WDR35: variants seen among roughly 807,000 people sequenced by gnomAD.
WDR35 encodes WD repeat-containing protein 35.
In WDR35, 118 loss-of-function variants were observed where a neutral mutation model predicts 158.3. That is an observed-to-expected ratio of 0.75 (90% CI 0.64 to 0.87). The LOEUF (loss-of-function observed/expected upper bound fraction) is 0.87, where lower values mean the gene tolerates loss of function less well. Among genes scored for constraint, WDR35 ranks in the 40% least tolerant of loss-of-function variants. The pLI is 0.00. For missense variants in WDR35, 1,263 were observed against 1,405.8 expected (o/e 0.90, Z 1.62); for synonymous variants, 448 against 476.1 (o/e 0.94, Z 0.77).
intron 11 of WDR35, among the ~76,000 whole-genome samples, chr2:19,958,738 A>C (rs1445882590): frequency 1.3e-5 from 2 of 152,204 alleles, no homozygotes; most frequent in Non-Finnish European, 2.9e-5. Flanking sequence ...GATAGACAAG[A>C]AAATTAGTAA....
At chr2:19,963,892 C>A (rs554758244) in intron 10 of WDR35, among the ~76,000 whole-genome samples, 1 of 151,972 alleles carries the variant, frequency 6.6e-6, no homozygotes, top group African/African-American at 2.4e-5. Context: ...TACAGGCACC[C>A]GCCACCACAC....
rs143533141 is a variant in WDR35, at chr2:19,910,410, CA to C, written c.*3147del. The C allele has an allele frequency of 1.4e-3, 217 of 152,268 alleles. No homozygotes were observed. The highest frequency in any genetic ancestry group is 5.0e-3 in the African/African-American group (207 of 41,554). 9.4% of individuals were successfully genotyped at this position (152,268 alleles called of 1,614,324 possible). ...ATGAAATTAGCATTTGTGAATTAAG[CA>C]TGTCAACATTACTGTGTTGCTTGTT... On this transcript the variant is annotated 3_prime_UTR_variant, in exon 27 of 27. Transcript: ENST00000281405.
intron 17 of WDR35, among the ~76,000 whole-genome samples, chr2:19,939,407 TA>T: frequency 6.6e-6 from 1 of 152,264 alleles, no homozygotes; most frequent in Middle Eastern, 3.4e-3. Context: ...TAATTTAAAC[TA>T]ATAACTACCT....
intron 14 of WDR35, 27 bp from the exon 15 acceptor site, chr2:19,946,597 A>G: frequency 6.3e-7 from 1 of 1,576,318 alleles, no homozygotes; most frequent in Non-Finnish European, 8.7e-7. Flanking sequence ...TGATTACTTA[A>G]GCATACGTGT....
At chr2:19,942,558 T>C (rs1334601835) in intron 16 of WDR35, among the ~76,000 whole-genome samples, 1 of 151,854 alleles carries the variant, frequency 6.6e-6, no homozygotes, top group Non-Finnish European at 1.5e-5. Flanking sequence ...ATTTTTTTTT[T>C]ATTTTTGGCA....
chr2:19,932,730 A>C (rs1670562693), intron 22 of WDR35, among the ~76,000 whole-genome samples: 1 of 152,204 alleles, frequency 6.6e-6, no homozygotes, highest in Non-Finnish European at 1.5e-5. Context: ...AATCTTACAA[A>C]ACTTCAAGCA....
intron 15 of WDR35, 123 bp from the exon 16 acceptor site, chr2:19,946,119 A>G: frequency 1.9e-6 from 2 of 1,031,702 alleles, no homozygotes; most frequent in Non-Finnish European, 1.4e-6. Flanking sequence ...AATACAGTAG[A>G]AATGGCTTAA....
Position 19,930,421 on chromosome 2 carries a change from T to A in WDR35, c.3096A>T (p.Gly1032=). The change falls in exon 25 of 27, where the codon GGA becomes GGT. Residue 1032 remains glycine (G), a synonymous_variant. Coordinates refer to ENST00000281405, the MANE Select transcript of WDR35 (RefSeq NM_020779.4). ...FILAQRQLYE[G]CVDTALKTAL... ...CTGTCTTCAGTGCAGTGTCCACACA[T>A]CCCTCATAGAGCTGCCTCTGTGCAA... 1 of 1,614,160 alleles carries A rather than the reference T, an allele frequency of 6.2e-7. No individual in the cohort carries two copies. The highest frequency in any genetic ancestry group is 8.5e-7 in the Non-Finnish European group (1 of 1,180,014).
intron 7 of WDR35, 145 bp downstream of exon 7, chr2:19,974,323 C>T: frequency 6.6e-6 from 5 of 758,150 alleles, no homozygotes; most frequent in Non-Finnish European, 1.0e-5. Context: ...GCAGGAAATT[C>T]GCTTGAACCC....
chr2:19,943,585 T>C (rs1670943593), intron 16 of WDR35, among the ~76,000 whole-genome samples: 1 of 152,112 alleles, frequency 6.6e-6, no homozygotes, highest in African/African-American at 2.4e-5. Context: ...AGAGCATATA[T>C]TCAAAAGTTT....
At chr2:19,964,975 G>A (rs1671801842) in intron 10 of WDR35, among the ~76,000 whole-genome samples, 1 of 151,782 alleles carries the variant, frequency 6.6e-6, no homozygotes, top group Admixed American at 6.6e-5. Flanking sequence ...CCAGGTTGGA[G>A]TGCAATGGCA....
intron 9 of WDR35, among the ~76,000 whole-genome samples, chr2:19,967,183 A>T (rs1311660484): frequency 6.6e-6 from 1 of 152,166 alleles, no homozygotes; most frequent in Admixed American, 6.5e-5. Context: ...CAATGGTAAA[A>T]ATTTTCAATA....
chr2:19,932,614 G>A (rs1434319925), intron 22 of WDR35, among the ~76,000 whole-genome samples, 167 bp from the exon 23 acceptor site: 1 of 152,092 alleles, frequency 6.6e-6, no homozygotes, highest in African/African-American at 2.4e-5. Flanking sequence ...AGTCCTATAA[G>A]CATAAGTCAA....
chr2:19,962,259 A>G, intron 10 of WDR35: 1 of 1,611,728 alleles, frequency 6.2e-7, no homozygotes, highest in Non-Finnish European at 8.5e-7. Flanking sequence ...TTTTTATCCT[A>G]TGATCAGCTA....
At position 19,936,332 on chromosome 2, in the gene WDR35, C is replaced by T. The variant is rs765743417; in HGVS notation, c.2301G>A (p.Gly767=). ...DLAIGLRLKL[G]DWFRVLQLLK... ...GGAGCTGGAGTACTCTAAACCAATC[C>T]CCCAATTTCAGCCGGAGGCCAATAG... The change falls in exon 20 of 27, where the codon GGG becomes GGA. Residue 767 remains glycine, a synonymous_variant. Coordinates refer to ENST00000281405, the MANE Select transcript of WDR35 (RefSeq NM_020779.4). 4.3e-6 allele frequency: 7 copies of T among 1,613,864 alleles called. No homozygotes were observed. In the African/African-American group the frequency reaches 6.7e-5, roughly 15 times the overall value.
intron 10 of WDR35, among the ~76,000 whole-genome samples, chr2:19,964,381 C>CTTTTTTTTTTTTTTTTTTTTTTTT (rs558586617): frequency 1.8e-5 from 2 of 113,426 alleles, no homozygotes; most frequent in African/African-American, 3.4e-5. Context: ...CTTTTCTTTT[C>CTTTTTTTTTTTTTTTTTTTTTTTT]TTTTTTTTTT....
chr2:19,970,437 A>T lies in WDR35; in HGVS notation c.883-832T>A, dbSNP rs189811490. 8.5e-5 allele frequency among the ~76,000 whole-genome samples: 13 copies of T among 152,084 alleles called. 1 individual carries two copies. In the East Asian group the frequency reaches 2.5e-3, roughly 29 times the overall value. On this transcript the variant is annotated intron_variant, in intron 8 of 26. Coordinates refer to ENST00000281405, the MANE Select transcript of WDR35 (RefSeq NM_020779.4). ...ATTGTGGTAATAGCTTCCTAACTTT[A>T]TATCTTACTTTTCATCTGTTTCCTT... is the stretch of plus-strand genomic sequence containing the variant.
At chr2:19,946,153 C>T (rs1671045804) in intron 15 of WDR35, among the ~76,000 whole-genome samples, 157 bp from the exon 16 acceptor site, 1 of 151,616 alleles carries the variant, frequency 6.6e-6, no homozygotes, top group Non-Finnish European at 1.5e-5. Context: ...AAATTTGATA[C>T]AAGATATGGA....
chr2:19,975,479 C>T (rs372657771), intron 6 of WDR35, 51 bp downstream of exon 6: 60 of 1,565,262 alleles, frequency 3.8e-5, no homozygotes, highest in Middle Eastern at 1.7e-4. Flanking sequence ...ATGATATGTA[C>T]GATAATCATA....
Sources: gnomAD v4.1 joint callset for allele counts (sites outside exome capture counted in the v4.1 genomes callset) on GRCh38, gnomAD v4.1.1 for gene constraint, MANE v1.5 for transcripts, NCBI Gene and HGNC (gene_info 2026-07-23, HGNC 2026-07-21) for gene names.